Variants in C1D observed in about 807,000 individuals in gnomAD.
C1D encodes the protein nuclear nucleic acid-binding protein C1D.
A neutral mutation model predicts 17.5 loss-of-function variants in C1D; 10 were observed. The ratio of observed to expected loss-of-function variants is 0.57; its 90% CI spans 0.35 to 0.97. The LOEUF is 0.97. Among genes scored for constraint, C1D ranks in the 50% least tolerant of loss-of-function variants. C1D has a pLI of 0.01. For missense variants in C1D, 136 were observed against 160.1 expected (o/e 0.85, Z 0.81); for synonymous variants, 49 against 54.0 (o/e 0.91, Z 0.40).
Position 68,047,200 on chromosome 2 carries a change from A to G in C1D, c.111T>C (p.Ser37=), listed in dbSNP as rs771875681. 25 of 1,607,232 alleles carry G rather than the reference A, an allele frequency of 1.6e-5. No individual in the cohort carries two copies. Among genetic ancestry groups the G allele is most frequent in the Non-Finnish European group, 2.1e-5 (25 of 1,178,380 alleles). ...TCTGCAACAACTCATTTCTAGAAAC[A>G]GACATCATGGTCTTCAGCATCTCAT... ...AVDEMLKTMM[S]VSRNELLQKL... is the part of the protein sequence containing the mutation. Residue 37 remains serine, a synonymous_variant, in exon 2 of 5, where the codon TCT becomes TCC. Transcript: ENST00000410067.
intron 1 of C1D, among the ~76,000 whole-genome samples, chr2:68,047,645 T>TCCC (rs1278289557): frequency 6.6e-6 from 1 of 152,148 alleles, no homozygotes; most frequent in Non-Finnish European, 1.5e-5. Flanking sequence ...CACTGCAACT[T>TCCC]CCGCCTGCTG....
Position 68,046,363 on chromosome 2 carries a change from T to A in C1D, c.186A>T (p.Thr62=), listed in dbSNP as rs761505425. The A allele has an allele frequency of 6.2e-7, 1 of 1,611,834 alleles. No individual in the cohort carries two copies. Among genetic ancestry groups the A allele is most frequent in the Admixed American group, 1.7e-5 (1 of 59,866 alleles). ...QAKVDLVSAY[T]LNSMFWVYLA... The stretch of plus-strand genomic sequence containing the variant: ...ACATACCCCAAAACATTGAATTTAA[T>A]GTGTATGCAGAAACCAAATCCACTT... Residue 62 remains threonine (T), a synonymous_variant, in exon 3 of 5, where the codon ACA becomes ACT. Transcript: ENST00000410067.
At chr2:68,043,565 T>C (rs79642211) in intron 4 of C1D, among the ~76,000 whole-genome samples, 1,792 of 152,308 alleles carry the variant, frequency 0.012, 37 homozygotes, top group African/African-American at 0.042. Context: ...ATACAAATTA[T>C]TCAATTTTAT....
At chr2:68,044,989 C>A (rs1211306564) in intron 4 of C1D, among the ~76,000 whole-genome samples, 2 of 152,088 alleles carry the variant, frequency 1.3e-5, no homozygotes, top group Non-Finnish European at 2.9e-5. Context: ...CTGGTCAAAC[C>A]AAGACCTGCA....
chr2:68,044,751 G>C (rs1671070849), intron 4 of C1D, among the ~76,000 whole-genome samples: 1 of 152,040 alleles, frequency 6.6e-6, no homozygotes, highest in Admixed American at 6.5e-5. Flanking sequence ...AGAGGTTTAT[G>C]CATGCTTTTT....
chr2:68,047,718 C>G (rs1394450775), intron 1 of C1D, among the ~76,000 whole-genome samples: 1 of 152,158 alleles, frequency 6.6e-6, no homozygotes, highest in East Asian at 1.9e-4. Context: ...CCCATTGCCA[C>G]CATGCCCAGG....
Position 68,046,064 on chromosome 2 carries a change from G to A in C1D, c.206-21C>T, listed in dbSNP as rs1343913. ...ATAAACTACAAGAGAAAAATTTCAT[G>A]GAATAAAATGGTGAATGTATTAATT... On this transcript the variant is annotated intron_variant, in intron 3 of 4. Transcript: ENST00000410067. 1.5e-3 allele frequency: 2,177 copies of A among 1,491,618 alleles called. 31 individuals are homozygous for A. In the African/African-American group the frequency reaches 0.028, roughly 19 times the overall value. 92.4% of individuals were successfully genotyped at this position (1,491,618 alleles called of 1,614,324 possible).
At chr2:68,044,739 G>C (rs1671070219) in intron 4 of C1D, among the ~76,000 whole-genome samples, 1 of 151,966 alleles carries the variant, frequency 6.6e-6, no homozygotes, top group Admixed American at 6.6e-5. Flanking sequence ...AAGAAAAGGG[G>C]AAGAGGTTTA....
At chr2:68,056,828 G>A (rs952341438) in intron 1 of C1D, among the ~76,000 whole-genome samples, 1 of 152,188 alleles carries the variant, frequency 6.6e-6, no homozygotes, top group African/African-American at 2.4e-5. Context: ...GTATAAATTA[G>A]TTTAGCATTT....
chr2:68,054,402 G>C lies in C1D; in HGVS notation c.-9-7083C>G, dbSNP rs191938010. Among the ~76,000 whole-genome samples the C allele has an allele frequency of 3.3e-5, 5 of 152,270 alleles. No individual in the cohort carries two copies. The East Asian group carries it at 9.6e-4, about 29-fold the overall frequency. On this transcript the variant is annotated intron_variant, in intron 1 of 4. Coordinates refer to ENST00000410067, the MANE Select transcript of C1D (RefSeq NM_173177.3). The stretch of plus-strand genomic sequence containing the variant: ...GTTTACATAGGGCAGGCTATGAAGG[G>C]AGGAACTCATGCTGGAACTCTTGGC...
chr2:68,053,122 CCTT>C (rs1162279022), intron 1 of C1D: 9 of 1,550,800 alleles, frequency 5.8e-6, no homozygotes, highest in African/African-American at 2.7e-5. Flanking sequence ...TCCACATACT[CCTT>C]CTAAAACACT....
chr2:68,049,066 G>A (rs954850374), intron 1 of C1D, among the ~76,000 whole-genome samples: 4 of 151,910 alleles, frequency 2.6e-5, no homozygotes, highest in Non-Finnish European at 2.9e-5. Context: ...GCGTGGTGGC[G>A]CACGCCTGTA....
At chr2:68,047,684 C>T (rs752150551) in intron 1 of C1D, among the ~76,000 whole-genome samples, 3 of 152,202 alleles carry the variant, frequency 2.0e-5, no homozygotes, top group Non-Finnish European at 2.9e-5. Context: ...ACCTCTCAGC[C>T]TCCTGGGTAG....
chr2:68,056,206 T>G (rs1477722092), intron 1 of C1D, among the ~76,000 whole-genome samples: 1 of 152,180 alleles, frequency 6.6e-6, no homozygotes. Context: ...CAACGCAACC[T>G]CTGCCTCCCA....
chr2:68,053,782 G>A, intron 1 of C1D, among the ~76,000 whole-genome samples: 1 of 152,114 alleles, frequency 6.6e-6, no homozygotes, highest in East Asian at 1.9e-4. Context: ...TTTTCCAAAT[G>A]TGCCGTGCTC....
intron 1 of C1D, among the ~76,000 whole-genome samples, chr2:68,060,864 C>A (rs575537193): frequency 2.0e-5 from 3 of 152,274 alleles, no homozygotes; most frequent in South Asian, 2.1e-4. Flanking sequence ...AACTCCACAT[C>A]ACTAACATAA....
At chr2:68,043,335 G>A (rs148766607) in intron 4 of C1D, among the ~76,000 whole-genome samples, 16 of 152,048 alleles carry the variant, frequency 1.1e-4, no homozygotes, top group African/African-American at 3.4e-4. Context: ...AATAAACATC[G>A]AATTGAAAGT....
chr2:68,050,426 T>C (rs1031718896), intron 1 of C1D, among the ~76,000 whole-genome samples: 4 of 152,178 alleles, frequency 2.6e-5, no homozygotes, highest in African/African-American at 9.7e-5. Context: ...CCTTCCATCC[T>C]TTCTCAAATC....
At chr2:68,048,159 T>C (rs538105338) in intron 1 of C1D, among the ~76,000 whole-genome samples, 2 of 152,204 alleles carry the variant, frequency 1.3e-5, no homozygotes, top group Non-Finnish European at 2.9e-5. Context: ...TCATTTGTGC[T>C]AGTGCATACT....
Sources: gnomAD v4.1 joint callset for allele counts (sites outside exome capture counted in the v4.1 genomes callset) on GRCh38, gnomAD v4.1.1 for gene constraint, MANE v1.5 for transcripts, NCBI Gene and HGNC (gene_info 2026-07-23, HGNC 2026-07-21) for gene names.